OPCML: variants seen among roughly 807,000 people sequenced by gnomAD.
OPCML encodes the protein opioid-binding protein/cell adhesion molecule.
Under a neutral mutation model 37.8 loss-of-function variants are expected in OPCML, and 13 were observed. The ratio of observed to expected loss-of-function variants is 0.34; its 90% CI spans 0.22 to 0.55. OPCML has a LOEUF of 0.55. OPCML is among the 20% of genes least tolerant of loss of function. OPCML has a pLI of 0.91. For missense variants in OPCML, 341 were observed against 435.6 expected (o/e 0.78, Z 1.93); for synonymous variants, 176 against 168.8 (o/e 1.04, Z -0.33).
intron 2 of OPCML, among the ~76,000 whole-genome samples, chr11:132,674,228 T>TC (rs1565765370): frequency 1.3e-5 from 2 of 152,126 alleles, no homozygotes; most frequent in African/African-American, 4.8e-5. Context: ...AAAGAAAACT[T>TC]AGCATCACAG....
At chr11:133,342,590 C>G (rs921426068) in intron 1 of OPCML, among the ~76,000 whole-genome samples, 1 of 152,120 alleles carries the variant, frequency 6.6e-6, no homozygotes, top group Non-Finnish European at 1.5e-5. Flanking sequence ...GGGACCCGTG[C>G]GGAGGTTGGG....
At chr11:133,256,755 C>A (rs906229475) in intron 1 of OPCML, among the ~76,000 whole-genome samples, 7 of 152,148 alleles carry the variant, frequency 4.6e-5, no homozygotes, top group Non-Finnish European at 1.0e-4. Context: ...AGTAATAAAA[C>A]ATAATGATAT....
intron 2 of OPCML, among the ~76,000 whole-genome samples, chr11:132,687,110 C>T (rs1943192210): frequency 6.6e-6 from 1 of 151,932 alleles, no homozygotes; most frequent in African/African-American, 2.4e-5. Flanking sequence ...ACTTGACAAA[C>T]ACTGAATAAT....
chr11:132,823,848 G>A (rs949941048), intron 2 of OPCML, among the ~76,000 whole-genome samples: 6 of 152,044 alleles, frequency 3.9e-5, no homozygotes, highest in East Asian at 1.9e-4. Flanking sequence ...GCACATGATC[G>A]CAGCATTTAC....
intron 2 of OPCML, among the ~76,000 whole-genome samples, chr11:132,884,056 T>TA (rs2136437756): frequency 6.6e-6 from 1 of 152,306 alleles, no homozygotes; most frequent in African/African-American, 2.4e-5. Flanking sequence ...GAAGGCATCT[T>TA]AAAAATCATC....
At chr11:133,421,482 C>G in intron 1 of OPCML, 9 of 985,424 alleles carry the variant, frequency 9.1e-6, no homozygotes, top group Non-Finnish European at 1.1e-5. Flanking sequence ...ATTTCTATGG[C>G]TATCTACAAC....
At chr11:132,732,699 G>C (rs1474130551) in intron 2 of OPCML, among the ~76,000 whole-genome samples, 1 of 152,154 alleles carries the variant, frequency 6.6e-6, no homozygotes, top group African/African-American at 2.4e-5. Context: ...GCCCCAAATG[G>C]ACAGCAAACC....
At chr11:132,569,105 C>T (rs1412898756) in intron 3 of OPCML, among the ~76,000 whole-genome samples, 1 of 152,158 alleles carries the variant, frequency 6.6e-6, no homozygotes, top group Non-Finnish European at 1.5e-5. Flanking sequence ...CTGACTATGC[C>T]CATGCATCCT....
At chr11:132,744,553 C>A (rs1945549456) in intron 2 of OPCML, among the ~76,000 whole-genome samples, 1 of 152,166 alleles carries the variant, frequency 6.6e-6, no homozygotes, top group Non-Finnish European at 1.5e-5. Flanking sequence ...TTGAAGGTCT[C>A]AATACTCATC....
At chr11:133,181,362 C>T (rs1380648858) in intron 1 of OPCML, among the ~76,000 whole-genome samples, 4 of 49,328 alleles carry the variant, frequency 8.1e-5, no homozygotes, top group African/African-American at 1.6e-4. Flanking sequence ...TGTTACTGCA[C>T]GGGGGTGGCG....
At chr11:133,293,157 CAAG>C (rs1434860964) in intron 1 of OPCML, among the ~76,000 whole-genome samples, 1 of 152,066 alleles carries the variant, frequency 6.6e-6, no homozygotes, top group Non-Finnish European at 1.5e-5. Flanking sequence ...AATTTTTGGA[CAAG>C]AAGAAGAGAC....
intron 1 of OPCML, among the ~76,000 whole-genome samples, chr11:133,003,458 T>G (rs116717293): frequency 0.011 from 1,745 of 152,314 alleles, 28 homozygotes; most frequent in African/African-American, 0.039. Flanking sequence ...GCCTCCCTTT[T>G]GTAAGGATAC....
intron 1 of OPCML, among the ~76,000 whole-genome samples, chr11:133,160,203 A>T (rs1950122488): frequency 6.6e-6 from 1 of 152,246 alleles, no homozygotes; most frequent in South Asian, 2.1e-4. Context: ...AATTTATGAA[A>T]AACAGAGCAA....
chr11:132,683,295 G>A (rs766806446), intron 2 of OPCML, among the ~76,000 whole-genome samples: 9 of 152,086 alleles, frequency 5.9e-5, no homozygotes, highest in Non-Finnish European at 1.3e-4. Context: ...AGTTACTTAC[G>A]AGGCTGAGGT....
rs1038390295 is a variant in OPCML, at chr11:133,501,307, G to A, written c.61+30957C>T. Among the ~76,000 whole-genome samples, 7 of 152,170 alleles carry A rather than the reference G, an allele frequency of 4.6e-5. No individual in the cohort carries two copies. In the South Asian group the frequency reaches 6.2e-4, roughly 14 times the overall value. ...TAGGGACCCCCCCACGGTACAGTGC[G>A]GCTAGTGAAATCCAAACACACGTCA... is the stretch of plus-strand genomic sequence containing the variant. On this transcript the variant is annotated intron_variant, in intron 1 of 7. Coordinates refer to ENST00000524381, the MANE Select transcript of OPCML (RefSeq NM_001012393.5).
intron 1 of OPCML, among the ~76,000 whole-genome samples, chr11:133,279,308 GTCTTTA>G: frequency 6.6e-6 from 1 of 152,092 alleles, no homozygotes; most frequent in East Asian, 1.9e-4. Context: ...TCTTTTTCAG[GTCTTTA>G]TTCATGCTAC....
At chr11:133,166,367 C>T (rs1278213243) in intron 1 of OPCML, among the ~76,000 whole-genome samples, 2 of 152,240 alleles carry the variant, frequency 1.3e-5, no homozygotes, top group Non-Finnish European at 2.9e-5. Flanking sequence ...TCCACATATT[C>T]TAAATGACGG....
intron 1 of OPCML, among the ~76,000 whole-genome samples, chr11:133,409,946 AG>A (rs1945608893): frequency 6.6e-6 from 1 of 152,062 alleles, no homozygotes; most frequent in Non-Finnish European, 1.5e-5. Context: ...CGGGTCACAT[AG>A]CTATCTGCAG....
chr11:132,776,505 C>T lies in OPCML; in HGVS notation c.147-119186G>A, dbSNP rs1290121667. On this transcript the variant is annotated intron_variant, in intron 2 of 7. Transcript: ENST00000524381. ...TTGTGAATGGTTCAGTACTATCCCC[C>T]TGGTGATAAGTGAGTTCTTACTCAG... Among the ~76,000 whole-genome samples, 3 of 152,088 alleles carry T rather than the reference C, an allele frequency of 2.0e-5. No individual in the cohort carries two copies. The East Asian group carries it at 5.8e-4, about 29-fold the overall frequency.
Sources: gnomAD v4.1 joint callset for allele counts (sites outside exome capture counted in the v4.1 genomes callset) on GRCh38, gnomAD v4.1.1 for gene constraint, MANE v1.5 for transcripts, NCBI Gene and HGNC (gene_info 2026-07-23, HGNC 2026-07-21) for gene names.